Variants in NEK11 observed in about 807,000 individuals in gnomAD.
NEK11 encodes the protein NIMA related kinase 11.
Under a neutral mutation model 80.7 loss-of-function variants are expected in NEK11, and 72 were observed. That is an observed-to-expected ratio of 0.89 (90% CI 0.74 to 1.08). NEK11 has a LOEUF of 1.08. Among genes scored for constraint, NEK11 ranks in the 50% least tolerant of loss-of-function variants. The pLI, the probability that NEK11 is intolerant of heterozygous loss-of-function variation, is 0.00. For missense variants in NEK11, 764 were observed against 763.6 expected (o/e 1.00, Z -0.01); for synonymous variants, 251 against 260.7 (o/e 0.96, Z 0.36).
Position 131,273,508 on chromosome 3 carries a change from A to G in NEK11, c.1652A>G (p.Asp551Gly). Residue 551 changes from aspartate (D) to glycine (G), a missense_variant, in exon 17 of 18, where the codon GAC (aspartate) becomes GGC (glycine). Coordinates refer to ENST00000383366, the MANE Select transcript of NEK11 (RefSeq NM_024800.5). ...DTKTITTMAE[D>G]MSPGPPIFNS... ...AAGACCATCACCACCATGGCTGAAG[A>G]CATGTCCCCAGGACCACCAATTTTC... The G allele has an allele frequency of 6.2e-7, 1 of 1,614,060 alleles. No individual in the cohort carries two copies.
At chr3:131,279,807 A>G (rs1383513180) in intron 17 of NEK11, among the ~76,000 whole-genome samples, 2 of 152,204 alleles carry the variant, frequency 1.3e-5, no homozygotes, top group Non-Finnish European at 2.9e-5. Flanking sequence ...TTCATTCTCC[A>G]CAGAACTGTC....
At chr3:131,248,686 A>G (rs984047252) in intron 16 of NEK11, among the ~76,000 whole-genome samples, 2 of 152,100 alleles carry the variant, frequency 1.3e-5, no homozygotes, top group Admixed American at 6.6e-5. Flanking sequence ...GTTGGCATGC[A>G]GGCTGTCTAC....
chr3:131,160,700 A>T (rs1247218373), intron 10 of NEK11, among the ~76,000 whole-genome samples: 2 of 152,206 alleles, frequency 1.3e-5, no homozygotes, highest in East Asian at 3.9e-4. Context: ...ATACAATGGC[A>T]CACATAGGCT....
chr3:131,114,550 A>G (rs7615213), intron 5 of NEK11, among the ~76,000 whole-genome samples: 2,012 of 152,284 alleles, frequency 0.013, 39 homozygotes, highest in African/African-American at 0.045. Context: ...AGGGAAAAGC[A>G]AGAGAGTGGA....
At chr3:131,027,176 A>G (rs1287330683) in intron 1 of NEK11, 170 bp downstream of exon 1, 1 of 152,182 alleles carries the variant, frequency 6.6e-6, no homozygotes, top group African/African-American at 2.4e-5. Flanking sequence ...GTGCCCCTCA[A>G]TAAACGTTAA....
chr3:131,235,041 G>C (rs16836150), intron 15 of NEK11, among the ~76,000 whole-genome samples: 3,503 of 152,230 alleles, frequency 0.023, 123 homozygotes, highest in African/African-American at 0.078. Context: ...GAGCAGGAAT[G>C]CAAAGTGTCT....
At position 131,052,081 on chromosome 3, in the gene NEK11, A is replaced by G. The variant is rs191392766; in HGVS notation, c.170+22203A>G. 7.8e-5 allele frequency among the ~76,000 whole-genome samples: 11 copies of G among 140,864 alleles called. No homozygotes were observed. The East Asian group carries it at 2.3e-3, about 30-fold the overall frequency. 92.4% of individuals were successfully genotyped at this position (140,864 alleles called of 152,430 possible). A position where few individuals can be genotyped will look rare whatever the true frequency, so the allele number is the denominator to read the frequency against. On this transcript the variant is annotated intron_variant, in intron 3 of 17. Transcript: ENST00000383366. ...TAGCAACTTAAGAATACAGAGTCTT[A>G]TTTTTCCCCTTTCTGATAAAAGCTA...
chr3:131,098,339 A>G (rs2077790367), intron 4 of NEK11, among the ~76,000 whole-genome samples: 1 of 152,192 alleles, frequency 6.6e-6, no homozygotes, highest in South Asian at 2.1e-4. Context: ...TCTGCACAGC[A>G]AAAGAAACTG....
chr3:131,044,422 C>CAAAAA lies in NEK11; in HGVS notation c.170+14561_170+14565dup, dbSNP rs57412173. 9.1e-3 allele frequency among the ~76,000 whole-genome samples: 343 copies of CAAAAA among 37,754 alleles called. 28 individuals are homozygous for CAAAAA. Among genetic ancestry groups the CAAAAA allele is most frequent in the African/African-American group, 0.045 (294 of 6,566 alleles). 24.8% of individuals were successfully genotyped at this position (37,754 alleles called of 152,430 possible). ...GACTATTTACCAAGCAAATGGAAAG[C>CAAAAA]AAAAAAAAAAAAAAAAAAAAAGGTG... is the stretch of plus-strand genomic sequence containing the variant. On this transcript the variant is annotated intron_variant, in intron 3 of 17. Coordinates refer to ENST00000383366, the MANE Select transcript of NEK11 (RefSeq NM_024800.5).
chr3:131,099,436 C>T (rs1382655444), intron 4 of NEK11, among the ~76,000 whole-genome samples: 1 of 152,070 alleles, frequency 6.6e-6, no homozygotes, highest in African/African-American at 2.4e-5. Context: ...CTTAGGATTG[C>T]TTTGGCTATT....
intron 17 of NEK11, among the ~76,000 whole-genome samples, chr3:131,291,446 G>A (rs2096542793): frequency 6.6e-6 from 1 of 152,084 alleles, no homozygotes. Flanking sequence ...AAATACCAAG[G>A]AGTGTGATTA....
chr3:131,132,713 A>T (rs770570820), intron 5 of NEK11, 32 bp from the exon 6 acceptor site: 3 of 1,182,368 alleles, frequency 2.5e-6, no homozygotes, highest in African/African-American at 1.5e-5. Context: ...TATATTCTGC[A>T]TGAAGTTGTA....
intron 17 of NEK11, among the ~76,000 whole-genome samples, chr3:131,274,182 C>A (rs2096251862): frequency 7.0e-6 from 1 of 142,282 alleles, no homozygotes; most frequent in African/African-American, 2.6e-5. Flanking sequence ...TTGTTCAATT[C>A]CCACCTATGA....
At chr3:131,037,582 G>T (rs6439271) in intron 3 of NEK11, among the ~76,000 whole-genome samples, 138,493 of 152,274 alleles carry the variant, frequency 0.91, 63,511 homozygotes, top group Non-Finnish European at 0.95. Context: ...ATGCCCAGCA[G>T]GAATAATAAT....
intron 15 of NEK11, among the ~76,000 whole-genome samples, chr3:131,238,642 C>G (rs2095472560): frequency 6.6e-6 from 1 of 152,048 alleles, no homozygotes; most frequent in Admixed American, 6.6e-5. Flanking sequence ...TGGAAAGGAG[C>G]CAGCCCTTGA....
intron 5 of NEK11, among the ~76,000 whole-genome samples, chr3:131,115,120 G>A (rs1215732827): frequency 6.6e-6 from 1 of 152,178 alleles, no homozygotes; most frequent in African/African-American, 2.4e-5. Context: ...GTGTGGGCAG[G>A]CATCATCCAA....
At chr3:131,091,236 A>G (rs2076684556) in intron 4 of NEK11, among the ~76,000 whole-genome samples, 1 of 152,226 alleles carries the variant, frequency 6.6e-6, no homozygotes, top group Non-Finnish European at 1.5e-5. Flanking sequence ...GCTTAATGCT[A>G]AAAACAGATA....
In NEK11 at chr3:131,057,240, G is replaced by A. The variant is rs2069726813; in HGVS notation, c.171-23183G>A. On this transcript the variant is annotated intron_variant, in intron 3 of 17. Coordinates refer to ENST00000383366, the MANE Select transcript of NEK11 (RefSeq NM_024800.5). ...ACTCATCATTTTTTATGGCTGCATA[G>A]TATTCCATGGTGTATATGTGCCACA... is the stretch of plus-strand genomic sequence containing the variant. Among the ~76,000 whole-genome samples the A allele has an allele frequency of 3.3e-5, 5 of 151,756 alleles. No individual in the cohort carries two copies. In the South Asian group the frequency reaches 1.0e-3, roughly 32 times the overall value.
chr3:131,161,592 A>T (rs1362028436), intron 10 of NEK11, among the ~76,000 whole-genome samples: 1 of 152,174 alleles, frequency 6.6e-6, no homozygotes, highest in African/African-American at 2.4e-5. Context: ...CAGAAAACCA[A>T]ATAATGCATG....
Sources: allele counts gnomAD v4.1 joint callset (sites outside exome capture counted in the v4.1 genomes callset), GRCh38; gene constraint gnomAD v4.1.1; transcripts MANE v1.5; gene names NCBI Gene and HGNC (gene_info 2026-07-23, HGNC 2026-07-21).